The following ZFAT variants were observed in gnomAD, a reference collection of about 807,000 sequenced individuals.
The protein encoded by ZFAT is zinc finger protein ZFAT.
Under a neutral mutation model 117.7 loss-of-function variants are expected in ZFAT, and 64 were observed. That is an observed-to-expected ratio of 0.54 (90% CI 0.44 to 0.67). ZFAT has a LOEUF of 0.67. Among genes scored for constraint, ZFAT ranks in the 30% least tolerant of loss-of-function variants. ZFAT has a pLI of 0.00. For synonymous variants in ZFAT, 679 were observed against 615.0 expected, an observed-to-expected ratio of 1.10 and a Z score of -1.54; for missense variants, 1,433 against 1,584.5, an observed-to-expected ratio of 0.90 and a Z score of 1.62.
Position 134,712,911 on chromosome 8 carries a change from C to A in ZFAT, c.-48G>T, listed in dbSNP as rs1378019595. On this transcript the variant is annotated 5_prime_UTR_variant, in exon 1 of 16. Coordinates refer to ENST00000377838, the MANE Select transcript of ZFAT (RefSeq NM_020863.4). ...AAAAAAAGCCTCGGGCTCTTCCGGG[C>A]CCCCTCCCGTGCCGACCGAGGGGGC... 3 of 1,456,366 alleles carry A rather than the reference C, an allele frequency of 2.1e-6. No individual in the cohort carries two copies. Among genetic ancestry groups the A allele is most frequent in the East Asian group, 3.2e-5 (1 of 31,272 alleles). The allele number at this position is 1,456,366 out of a possible 1,614,324, so 90.2% of individuals were successfully genotyped here.
At chr8:134,712,730 C>T in intron 1 of ZFAT, 115 bp downstream of exon 1, 3 of 931,374 alleles carry the variant, frequency 3.2e-6, no homozygotes, top group South Asian at 2.1e-5. Context: ...CGGCCGGCGG[C>T]CGGCGGCCGG....
At chr8:134,779,143 T>C in the ZFAT span, among the ~76,000 whole-genome samples, 20 of 152,342 alleles carry the variant, frequency 1.3e-4, 3 homozygotes, top group Admixed American at 1.1e-3. Flanking sequence ...AATTCTCAAA[T>C]AGATGTTCAA....
At chr8:134,634,808 G>A (rs751204424) in intron 3 of ZFAT, among the ~76,000 whole-genome samples, 2 of 152,176 alleles carry the variant, frequency 1.3e-5, no homozygotes, top group Non-Finnish European at 2.9e-5. Flanking sequence ...GCTGTGATGG[G>A]GAGACACTAA....
rs566304180 is a variant in ZFAT, at chr8:134,534,434, C to T, written c.2977-1462G>A. Among the ~76,000 whole-genome samples the T allele has an allele frequency of 2.0e-5, 3 of 152,314 alleles. No individual in the cohort carries two copies. In the South Asian group the frequency reaches 6.2e-4, roughly 32 times the overall value. On this transcript the variant is annotated intron_variant, in intron 11 of 15. Transcript: ENST00000377838. ...AACTGCAATGTCTGAATGTGAAGTG[C>T]ACCAACAGAGAGAAAATGTCCTCTC...
chr8:134,648,260 G>GA (rs200277893), intron 2 of ZFAT, among the ~76,000 whole-genome samples: 7,428 of 145,854 alleles, frequency 0.051, 510 homozygotes, highest in African/African-American at 0.16. Flanking sequence ...TCCAACCTAA[G>GA]AAAAAAAAAC....
chr8:134,482,372 G>T (rs1461616449), intron 15 of ZFAT, among the ~76,000 whole-genome samples: 3 of 152,168 alleles, frequency 2.0e-5, no homozygotes, highest in Admixed American at 6.5e-5. Flanking sequence ...GTTCGCAGGC[G>T]GATCTTGAAA....
In ZFAT at chr8:134,637,640, A is replaced by T; in HGVS notation, c.269T>A (p.Leu90Gln). 6.2e-7 allele frequency: 1 copy of T among 1,614,204 alleles called. No individual in the cohort carries two copies. The highest frequency in any genetic ancestry group is 2.2e-5 in the East Asian group (1 of 44,884). The change falls in exon 3 of 16, where the codon CTG becomes CAG. Residue 90 changes from leucine to glutamine, a missense_variant. Leu to Gln is a moderately radical substitution (Grantham distance 113). Coordinates refer to ENST00000377838, the MANE Select transcript of ZFAT (RefSeq NM_020863.4). ...AGTCGGACTCACGATGTTTTCTGCC[A>T]GCTCCTCTTCTGTGCTGGACTTCTT... Reference protein sequence around the residue: ...STKKSSTEEELAENIVSPTED... With the variant: ...STKKSSTEEEQAENIVSPTED...
At chr8:134,566,613 T>TA (rs1824487831) in intron 10 of ZFAT, among the ~76,000 whole-genome samples, 1 of 152,186 alleles carries the variant, frequency 6.6e-6, no homozygotes, top group Non-Finnish European at 1.5e-5. Context: ...TCTAATGGTG[T>TA]AAACCTCCTC....
the ZFAT span, among the ~76,000 whole-genome samples, chr8:134,720,577 A>T: frequency 6.6e-6 from 1 of 152,240 alleles, no homozygotes; most frequent in Non-Finnish European, 1.5e-5. Context: ...ACAAGCCAGG[A>T]GGCCCTTCTG....
At chr8:134,730,272 T>G in the ZFAT span, among the ~76,000 whole-genome samples, 1 of 152,346 alleles carries the variant, frequency 6.6e-6, no homozygotes, top group Admixed American at 6.5e-5. Flanking sequence ...CTCCCTTGCC[T>G]AGCTAGCCAG....
At chr8:134,643,777 C>T (rs537210853) in intron 2 of ZFAT, among the ~76,000 whole-genome samples, 1 of 152,346 alleles carries the variant, frequency 6.6e-6, no homozygotes, top group African/African-American at 2.4e-5. Flanking sequence ...AGCTCATCCC[C>T]TCAGAATGGG....
chr8:134,709,447 C>G (rs1226475989), intron 1 of ZFAT, among the ~76,000 whole-genome samples: 1 of 152,192 alleles, frequency 6.6e-6, no homozygotes, highest in Non-Finnish European at 1.5e-5. Context: ...ATCTCTGGAG[C>G]CAGAGCACGT....
the ZFAT span, among the ~76,000 whole-genome samples, chr8:134,729,655 A>G: frequency 5.3e-4 from 80 of 152,240 alleles, no homozygotes; most frequent in African/African-American, 1.8e-3. Context: ...GCCACTGAGG[A>G]CTTTCTTCCC....
In ZFAT at chr8:134,541,788, C is replaced by T. The variant is rs111770598; in HGVS notation, c.2977-8816G>A. Among the ~76,000 whole-genome samples the T allele has an allele frequency of 6.6e-5, 10 of 152,272 alleles. 1 individual carries two copies. The highest frequency in any genetic ancestry group is 2.2e-4 in the African/African-American group (9 of 41,550). On this transcript the variant is annotated intron_variant, in intron 11 of 15. Transcript: ENST00000377838. Reference sequence around the variant, plus strand: ...CATCAACTCACATAAAAATTAAATGCCAAATCATGCTGCCATTTCTTTCCA... The same window carrying T: ...CATCAACTCACATAAAAATTAAATGTCAAATCATGCTGCCATTTCTTTCCA...
intron 11 of ZFAT, among the ~76,000 whole-genome samples, chr8:134,549,597 C>A (rs1272023935): frequency 6.6e-6 from 1 of 152,238 alleles, no homozygotes; most frequent in Admixed American, 6.5e-5. Flanking sequence ...CAAAGATCTG[C>A]ACCCCTATAC....
At chr8:134,664,657 G>C (rs923552426) in intron 1 of ZFAT, among the ~76,000 whole-genome samples, 1 of 152,240 alleles carries the variant, frequency 6.6e-6, no homozygotes, top group Non-Finnish European at 1.5e-5. Context: ...CGCCGGGTCA[G>C]GCTGCATCCC....
At chr8:134,486,183 C>T (rs1179304704) in intron 15 of ZFAT, among the ~76,000 whole-genome samples, 2 of 152,196 alleles carry the variant, frequency 1.3e-5, no homozygotes, top group Non-Finnish European at 2.9e-5. Flanking sequence ...GTTTGCATCC[C>T]TTTGAAACAA....
chr8:134,727,629 C>CT, the ZFAT span, among the ~76,000 whole-genome samples: 525 of 151,968 alleles, frequency 3.5e-3, 4 homozygotes, highest in African/African-American at 0.011. Context: ...ATGAATAGGG[C>CT]TTTTTTTTGA....
At chr8:134,603,069 T>A in intron 5 of ZFAT, 136 bp from the exon 6 acceptor site, 1 of 1,203,568 alleles carries the variant, frequency 8.3e-7, no homozygotes, top group Non-Finnish European at 1.2e-6. Context: ...GTGCAGTCAC[T>A]CACTCAACAA....
Sources: gnomAD v4.1 joint callset for allele counts (sites outside exome capture counted in the v4.1 genomes callset) on GRCh38, gnomAD v4.1.1 for gene constraint, MANE v1.5 for transcripts, NCBI Gene and HGNC (gene_info 2026-07-23, HGNC 2026-07-21) for gene names.